The following PYGB variants were observed in gnomAD, a reference collection of about 807,000 sequenced individuals.
PYGB encodes the protein glycogen phosphorylase B.
Under a neutral mutation model 94.3 loss-of-function variants are expected in PYGB, and 82 were observed. The observed-to-expected ratio is 0.87, with a 90% CI of 0.73 to 1.04. The LOEUF is 1.04. Ranked by LOEUF, PYGB falls within the 50% of genes least tolerant of loss-of-function variation. The pLI, the probability that PYGB is intolerant of heterozygous loss-of-function variation, is 0.00. For missense variants in PYGB, 1,132 were observed against 1,158.2 expected (o/e 0.98, Z 0.33); for synonymous variants, 488 against 479.1 (o/e 1.02, Z -0.24).
rs374118158 is a variant in PYGB at position 25,287,944 on chromosome 20, G to A, written c.1769-481G>A. On this transcript the variant is annotated intron_variant, in intron 14 of 19. Coordinates refer to ENST00000216962, the MANE Select transcript of PYGB (RefSeq NM_002862.4). ...TGCAGTGAGCTACGCTTACACCACC[G>A]CACTCCAGCCTGGGCGACAGAGTGA... Among the ~76,000 whole-genome samples the A allele has an allele frequency of 7.2e-5, 11 of 152,252 alleles. No homozygotes were observed. In the East Asian group the frequency reaches 1.9e-3, roughly 27 times the overall value.
chr20:25,260,066 A>G (rs551993485), intron 2 of PYGB, among the ~76,000 whole-genome samples: 13 of 152,134 alleles, frequency 8.5e-5, no homozygotes, highest in Non-Finnish European at 1.8e-4. Flanking sequence ...AATGTCTTGC[A>G]TGGCTGGGAG....
rs1230304081 is a variant in PYGB at position 25,259,735 on chromosome 20, A to C, written c.345+397A>C. Among the ~76,000 whole-genome samples the C allele has an allele frequency of 2.0e-5, 3 of 152,108 alleles. No individual in the cohort carries two copies. In the East Asian group the frequency reaches 5.8e-4, roughly 29 times the overall value. ...ACCCCTGAGATGACCTCCGGAGCTCACCCTAGTTGTCTAGTTGTAAAAGCA... is the reference window on the plus strand; with the variant it reads ...ACCCCTGAGATGACCTCCGGAGCTCCCCCTAGTTGTCTAGTTGTAAAAGCA... On this transcript the variant is annotated intron_variant, in intron 2 of 19. Coordinates refer to ENST00000216962, the MANE Select transcript of PYGB (RefSeq NM_002862.4).
chr20:25,266,830 A>G (rs1041139517), intron 2 of PYGB, among the ~76,000 whole-genome samples: 30 of 152,242 alleles, frequency 2.0e-4, no homozygotes, highest in Admixed American at 1.2e-3. Flanking sequence ...TCCCACAAGA[A>G]TGGCTATAAT....
intron 1 of PYGB, among the ~76,000 whole-genome samples, chr20:25,253,802 C>T (rs528256743): frequency 2.0e-5 from 3 of 152,158 alleles, no homozygotes; most frequent in African/African-American, 4.8e-5. Flanking sequence ...AGATGTTAAA[C>T]ATTGCAACAC....
Position 25,248,259 on chromosome 20 carries a change from G to A in PYGB, c.81G>A (p.Glu27=). 2 of 1,599,898 alleles carry A rather than the reference G, an allele frequency of 1.3e-6. No individual in the cohort carries two copies. The highest frequency in any genetic ancestry group is 1.7e-5 in the Admixed American group (1 of 58,126). The part of the protein sequence containing the change: ...RGLAGLGDVA[E]VRKSFNRHLH... ...TGGCGGGGCTAGGCGACGTGGCCGA[G>A]GTGCGGAAGAGCTTCAACCGGCACT... Residue 27 remains glutamate, a synonymous_variant, in exon 1 of 20, where the codon GAG becomes GAA. Coordinates refer to ENST00000216962, the MANE Select transcript of PYGB (RefSeq NM_002862.4).
At position 25,277,329 on chromosome 20, in the gene PYGB, G is replaced by C. The variant is rs772098079; in HGVS notation, c.855+3G>C. ...GGGTCCTGTATCCAAATGATAACGT[G>C]AGTAGCTGGCCTGGGCACTCTTGCT... On this transcript the variant is annotated splice_donor_region_variant and intron_variant, in intron 7 of 19. Transcript: ENST00000216962. The C allele has an allele frequency of 6.4e-7, 1 of 1,554,792 alleles. No homozygotes were observed. The highest frequency in any genetic ancestry group is 1.1e-5 in the South Asian group (1 of 89,852).
chr20:25,282,284 T>A, intron 12 of PYGB, 137 bp downstream of exon 12: 1 of 709,466 alleles, frequency 1.4e-6, no homozygotes, highest in Non-Finnish European at 2.3e-6. Flanking sequence ...CTTCTGGACA[T>A]GAGGGCTGAG....
At chr20:25,249,978 T>G (rs1402768385) in intron 1 of PYGB, among the ~76,000 whole-genome samples, 1 of 151,934 alleles carries the variant, frequency 6.6e-6, no homozygotes, top group East Asian at 1.9e-4. Flanking sequence ...GCCTCCCAAG[T>G]AGCTGGGATT....
At chr20:25,288,524 C>CT (rs755633341) in intron 15 of PYGB, 41 bp downstream of exon 15, 34 of 1,601,144 alleles carry the variant, frequency 2.1e-5, no homozygotes, top group Non-Finnish European at 2.8e-5. Context: ...GGTGTTTGGT[C>CT]TGGGGATAGT....
At position 25,297,953 on chromosome 20, in the gene PYGB, T is replaced by A. The variant is rs1413811213; in HGVS notation, c.*1431T>A. On this transcript the variant is annotated 3_prime_UTR_variant, in exon 20 of 20. Transcript: ENST00000216962. The stretch of plus-strand genomic sequence containing the variant: ...ACCACCCTGACCACCACTGTGCCCC[T>A]CATTGTTACTGCCTTGTGAGATAAA... The A allele has an allele frequency of 1.3e-5, 2 of 152,300 alleles. No homozygotes were observed. The highest frequency in any genetic ancestry group is 2.4e-5 in the African/African-American group (1 of 41,464). The allele number at this position is 152,300 out of a possible 1,614,324, so 9.4% of individuals were successfully genotyped here.
chr20:25,276,826 G>A (rs2424699), intron 6 of PYGB, 69 bp downstream of exon 6: 602,764 of 1,421,334 alleles, frequency 0.42, 135,253 homozygotes, highest in East Asian at 0.92. Flanking sequence ...CTCGCCCACA[G>A]CCTTTACCGC....
At chr20:25,281,417 C>T (rs1427527251) in intron 11 of PYGB, among the ~76,000 whole-genome samples, 2 of 152,254 alleles carry the variant, frequency 1.3e-5, no homozygotes, top group African/African-American at 4.8e-5. Context: ...GGAGGCTCTG[C>T]ACCACTGGTC....
In PYGB at chr20:25,276,698, C is replaced by A; in HGVS notation, c.713C>A (p.Thr238Asn). The stretch of plus-strand genomic sequence containing the variant: ...CCAGTGCCCGGCTACAAGAACAACA[C>A]CGTCAACACCATGCGGCTGTGGTCC... The part of the protein sequence containing the change: ...DTPVPGYKNN[T>N]VNTMRLWSAK... Residue 238 changes from threonine (T) to asparagine (N), a missense_variant, in exon 6 of 20, where the codon ACC (threonine) becomes AAC (asparagine). Physicochemically the swap from Thr to Asn is moderately conservative, Grantham distance 65. Coordinates refer to ENST00000216962, the MANE Select transcript of PYGB (RefSeq NM_002862.4). The A allele has an allele frequency of 6.2e-7, 1 of 1,614,028 alleles. No homozygotes were observed. The highest frequency in any genetic ancestry group is 8.5e-7 in the Non-Finnish European group (1 of 1,179,924).
chr20:25,274,543 G>C, intron 4 of PYGB, 49 bp from the exon 5 acceptor site: 1 of 1,596,718 alleles, frequency 6.3e-7, no homozygotes, highest in Non-Finnish European at 8.5e-7. Flanking sequence ...CAGGGCGGTG[G>C]CCTGGGACAT....
intron 18 of PYGB, chr20:25,294,651 T>G (rs1600746365): frequency 1.8e-6 from 1 of 553,016 alleles, no homozygotes; most frequent in African/African-American, 1.9e-5. Flanking sequence ...CTCCCTGGGG[T>G]GGGGTAGGGG....
At position 25,295,661 on chromosome 20, in the gene PYGB, G is replaced by A. The variant is rs1130694; in HGVS notation, c.2370G>A (p.Gln790=). Reference sequence around the variant, plus strand: ...TGCAGTGCCAGGCACAGGTGGACCAGCTGTACCGGGTGAGGCTCCTGGGTC... The same window carrying A: ...TGCAGTGCCAGGCACAGGTGGACCAACTGTACCGGGTGAGGCTCCTGGGTC... ...AYMQCQAQVD[Q]LYRNPKEWTK... The change falls in exon 19 of 20, where the codon CAG becomes CAA. Residue 790 remains glutamine, a synonymous_variant. Coordinates refer to ENST00000216962, the MANE Select transcript of PYGB (RefSeq NM_002862.4). The A allele has an allele frequency of 0.44, 708,833 of 1,612,714 alleles. 162,906 individuals are homozygous for A. The highest frequency in any genetic ancestry group is 0.92 in the East Asian group (41,132 of 44,868).
rs1021602404 is a variant in PYGB, at chr20:25,248,154, CTT to C, written c.-22_-21del. The C allele has an allele frequency of 3.8e-6, 6 of 1,574,768 alleles. No individual in the cohort carries two copies. Among genetic ancestry groups the C allele is most frequent in the African/African-American group, 1.4e-5 (1 of 72,466 alleles). ...GTGCCGCCGCTTTCCTCCTCCATCT[CTT>C]TTCCTCCGCCTCCGCCGGCGCGATG... On this transcript the variant is annotated 5_prime_UTR_variant, in exon 1 of 20. Transcript: ENST00000216962.
intron 1 of PYGB, among the ~76,000 whole-genome samples, chr20:25,255,612 C>T (rs139422721): frequency 9.9e-5 from 15 of 152,272 alleles, no homozygotes; most frequent in East Asian, 7.7e-4. Context: ...ATGCTGGCAC[C>T]GACAGAATCG....
chr20:25,281,209 A>G lies in PYGB; in HGVS notation c.1403+97A>G, dbSNP rs1600735167. On this transcript the variant is annotated intron_variant, in intron 11 of 19. Transcript: ENST00000216962. ...AAACACATGGACCCAGCTATATAGCATACAACCTGTGCCACTAGGCCCCTG... is the reference window on the plus strand; with the variant it reads ...AAACACATGGACCCAGCTATATAGCGTACAACCTGTGCCACTAGGCCCCTG... 21 of 1,474,730 alleles carry G rather than the reference A, an allele frequency of 1.4e-5. No individual in the cohort carries two copies. In the East Asian group the frequency reaches 4.4e-4, roughly 31 times the overall value. 91.4% of individuals were successfully genotyped at this position (1,474,730 alleles called of 1,614,324 possible).
Sources: allele counts gnomAD v4.1 joint callset (sites outside exome capture counted in the v4.1 genomes callset), GRCh38; gene constraint gnomAD v4.1.1; transcripts MANE v1.5; gene names NCBI Gene and HGNC (gene_info 2026-07-23, HGNC 2026-07-21).